Variants in NRG3 observed in about 807,000 individuals in gnomAD.
NRG3 encodes pro-neuregulin-3, membrane-bound isoform.
In NRG3, 31 loss-of-function variants were observed where a neutral mutation model predicts 66.9. The observed-to-expected ratio is 0.46, with a 90% CI of 0.35 to 0.63. The LOEUF (loss-of-function observed/expected upper bound fraction) is 0.63, where lower values mean the gene tolerates loss of function less well. Among genes scored for constraint, NRG3 ranks in the 20% least tolerant of loss-of-function variants. The pLI, the probability that NRG3 is intolerant of heterozygous loss-of-function variation, is 0.00. For synonymous variants in NRG3, 393 were observed against 359.4 expected (o/e 1.09, Z -1.06); for missense variants, 910 against 878.9 (o/e 1.04, Z -0.45).
At chr10:81,919,252 A>G (rs1009130804) in intron 1 of NRG3, among the ~76,000 whole-genome samples, 2 of 152,226 alleles carry the variant, frequency 1.3e-5, no homozygotes, top group African/African-American at 4.8e-5. Flanking sequence ...GAGTTAGGAT[A>G]GGATATAAGA....
intron 1 of NRG3, among the ~76,000 whole-genome samples, chr10:82,264,015 A>C (rs180851453): frequency 6.6e-6 from 1 of 152,122 alleles, no homozygotes; most frequent in Admixed American, 6.6e-5. Flanking sequence ...TTTCCTGGGC[A>C]TGTGGGTAAA....
chr10:82,894,394 C>T (rs1843451845), intron 4 of NRG3, among the ~76,000 whole-genome samples: 1 of 152,092 alleles, frequency 6.6e-6, no homozygotes, highest in East Asian at 1.9e-4. Context: ...TTACACAATT[C>T]CTTTTAAATC....
intron 1 of NRG3, among the ~76,000 whole-genome samples, chr10:81,983,007 A>G (rs1356332459): frequency 6.6e-6 from 1 of 152,112 alleles, no homozygotes; most frequent in Admixed American, 6.5e-5. Context: ...TTTTAAAACC[A>G]TGTTTCCCTG....
rs190994899 is a variant in NRG3, at chr10:81,938,482, T to G, written c.823+62319T>G. Among the ~76,000 whole-genome samples the G allele has an allele frequency of 6.6e-5, 10 of 151,996 alleles. No individual in the cohort carries two copies. The East Asian group carries it at 1.9e-3, about 29-fold the overall frequency. On this transcript the variant is annotated intron_variant, in intron 1 of 8. Coordinates refer to ENST00000372141, the MANE Select transcript of NRG3 (RefSeq NM_001010848.4). Reference sequence around the variant, plus strand: ...TTCTTTTCAAGTATTTTATTCTCCTTGATGATATTGTAAATGGAATTGTTT... The same window carrying G: ...TTCTTTTCAAGTATTTTATTCTCCTGGATGATATTGTAAATGGAATTGTTT...
rs148583360 is a variant in NRG3 at position 82,973,890 on chromosome 10, G to A, written c.1387G>A (p.Gly463Arg). 34 of 1,613,916 alleles carry A rather than the reference G, an allele frequency of 2.1e-5. No homozygotes were observed. The highest frequency in any genetic ancestry group is 2.8e-5 in the Non-Finnish European group (33 of 1,179,958). ...CCCTGAGGTCCCTTCTCCTGACAGA[G>A]GAAGCCAGTCTGTCAAACACCACAG... ...SFPEVPSPDR[G>R]SQSVKHHRSL... The change falls in exon 7 of 9, where the codon GGA becomes AGA. Residue 463 changes from glycine (G) to arginine (R), a missense_variant. Gly to Arg is a moderately radical substitution (Grantham distance 125). Transcript: ENST00000372141.
At chr10:82,202,484 G>A (rs2074889297) in intron 1 of NRG3, among the ~76,000 whole-genome samples, 3 of 152,028 alleles carry the variant, frequency 2.0e-5, no homozygotes, top group South Asian at 4.2e-4. Flanking sequence ...GAGAGAATAA[G>A]TCTGTAGATA....
rs147050803 is a variant in NRG3 at position 81,875,487 on chromosome 10, C to G, written c.147C>G (p.Pro49=). Residue 49 remains proline (P), a synonymous_variant, in exon 1 of 9, where the codon CCC becomes CCG. Coordinates refer to ENST00000372141, the MANE Select transcript of NRG3 (RefSeq NM_001010848.4). This position sits in a 1 kb window ranked among gnomAD's most constrained non-coding sequence, Gnocchi z 5.3. ...DGGGEGAAEP[P]RELRCSDCIV... is the part of the protein sequence containing the mutation. ...GCGGCGAAGGGGCGGCCGAGCCCCC[C>G]CGGGAGTTACGCTGTAGCGACTGCA... 7.3e-6 allele frequency: 11 copies of G among 1,498,006 alleles called. No individual in the cohort carries two copies. Among genetic ancestry groups the G allele is most frequent in the Non-Finnish European group, 9.9e-6 (11 of 1,116,088 alleles). The allele number at this position is 1,498,006 out of a possible 1,614,324, so 92.8% of individuals were successfully genotyped here. A position where few individuals can be genotyped will look rare whatever the true frequency, so the allele number is the denominator to read the frequency against.
chr10:82,208,321 T>G (rs1254946796), intron 1 of NRG3, among the ~76,000 whole-genome samples: 2 of 152,166 alleles, frequency 1.3e-5, no homozygotes, highest in East Asian at 3.9e-4. Context: ...GGATTTCATT[T>G]TTACCGTAAT....
At chr10:82,782,645 A>G (rs2060166364) in intron 3 of NRG3, among the ~76,000 whole-genome samples, 1 of 152,108 alleles carries the variant, frequency 6.6e-6, no homozygotes, top group African/African-American at 2.4e-5. Context: ...AGCTAGAAAA[A>G]GTCTAGATCA....
chr10:82,462,107 GACA>G (rs993014517), intron 2 of NRG3, among the ~76,000 whole-genome samples: 3 of 152,066 alleles, frequency 2.0e-5, no homozygotes, highest in Non-Finnish European at 2.9e-5. Context: ...TTCCAGCCTG[GACA>G]ACAAGAGTGA....
At chr10:82,889,363 G>T (rs948335577) in intron 4 of NRG3, among the ~76,000 whole-genome samples, 1 of 152,174 alleles carries the variant, frequency 6.6e-6, no homozygotes, top group Admixed American at 6.6e-5. Flanking sequence ...TAACTGAAAA[G>T]ATGTTTTGAA....
chr10:82,634,798 G>T (rs914850975), intron 2 of NRG3, among the ~76,000 whole-genome samples: 3 of 152,118 alleles, frequency 2.0e-5, no homozygotes, highest in African/African-American at 7.2e-5. Context: ...TCCATATGCA[G>T]GTCAGATGAT....
chr10:81,949,426 A>G (rs1358707687), intron 1 of NRG3, among the ~76,000 whole-genome samples: 2 of 152,118 alleles, frequency 1.3e-5, no homozygotes, highest in Non-Finnish European at 2.9e-5. Context: ...CAGTGATGCA[A>G]ATGTGCAGCC....
chr10:82,615,565 A>G (rs1305820537), intron 2 of NRG3, among the ~76,000 whole-genome samples: 1 of 152,176 alleles, frequency 6.6e-6, no homozygotes, highest in African/African-American at 2.4e-5. Context: ...AAAATCATGT[A>G]GCTTATTCTA....
intron 1 of NRG3, among the ~76,000 whole-genome samples, chr10:82,341,590 A>T (rs2135395531): frequency 6.6e-6 from 1 of 152,214 alleles, no homozygotes; most frequent in African/African-American, 2.4e-5. Flanking sequence ...TATTTATTTT[A>T]TATGTATATA....
intron 1 of NRG3, among the ~76,000 whole-genome samples, chr10:82,324,848 T>C (rs1465183281): frequency 1.3e-5 from 2 of 152,216 alleles, no homozygotes; most frequent in Non-Finnish European, 2.9e-5. Flanking sequence ...TCCTAGTAAA[T>C]GTGGCATGCA....
intron 2 of NRG3, among the ~76,000 whole-genome samples, chr10:82,610,062 A>T (rs2048212409): frequency 1.3e-5 from 2 of 152,150 alleles, no homozygotes; most frequent in South Asian, 4.1e-4. Context: ...TGCAGGGCTG[A>T]GGTCCCTGTC....
chr10:82,248,946 C>T (rs1022780556), intron 1 of NRG3, among the ~76,000 whole-genome samples: 6 of 152,106 alleles, frequency 3.9e-5, no homozygotes, highest in Admixed American at 2.0e-4. Flanking sequence ...CCTTCCCCAC[C>T]GTGCTTTCCT....
intron 1 of NRG3, among the ~76,000 whole-genome samples, chr10:82,294,191 C>T (rs2079913098): frequency 6.6e-6 from 1 of 152,178 alleles, no homozygotes; most frequent in Non-Finnish European, 1.5e-5. Context: ...GGAAACCATG[C>T]TTTAAACATT....
Sources: allele counts gnomAD v4.1 joint callset (sites outside exome capture counted in the v4.1 genomes callset), GRCh38; gene constraint gnomAD v4.1.1; non-coding constraint Gnocchi (gnomAD v3.1); transcripts MANE v1.5; gene names NCBI Gene and HGNC (gene_info 2026-07-23, HGNC 2026-07-21).